Variants in KHDRBS2 observed in about 807,000 individuals in gnomAD.
KHDRBS2 encodes the protein KH RNA binding domain containing, signal transduction associated 2.
KHDRBS2 carries 26 observed loss-of-function variants against 44.3 expected under a neutral mutation model. That is an observed-to-expected ratio of 0.59 (90% CI 0.43 to 0.81). The LOEUF (loss-of-function observed/expected upper bound fraction) is 0.81, where lower values mean the gene tolerates loss of function less well. Ranked by LOEUF, KHDRBS2 falls within the 40% of genes least tolerant of loss-of-function variation. The pLI is 0.00. For synonymous variants in KHDRBS2, 194 were observed against 151.1 expected (o/e 1.28, Z -2.08); for missense variants, 476 against 433.1 (o/e 1.10, Z -0.88).
chr6:62,067,143 T>C (rs1322959930), intron 2 of KHDRBS2, among the ~76,000 whole-genome samples: 1 of 151,546 alleles, frequency 6.6e-6, no homozygotes, highest in Non-Finnish European at 1.5e-5. Context: ...CTTAGGTTAC[T>C]TTTTACCCAA....
chr6:62,058,893 T>A (rs1369164808), intron 2 of KHDRBS2, among the ~76,000 whole-genome samples: 3 of 151,826 alleles, frequency 2.0e-5, no homozygotes, highest in African/African-American at 7.2e-5. Context: ...ACCACAAATA[T>A]AATTTATTCA....
intron 3 of KHDRBS2, among the ~76,000 whole-genome samples, chr6:61,987,303 G>A (rs190875966): frequency 2.0e-5 from 3 of 152,250 alleles, no homozygotes; most frequent in South Asian, 2.1e-4. Context: ...AACCAAAAGA[G>A]TTAAACTTCT....
At chr6:61,978,458 C>T (rs1348804954) in intron 3 of KHDRBS2, among the ~76,000 whole-genome samples, 5 of 151,916 alleles carry the variant, frequency 3.3e-5, no homozygotes, top group Non-Finnish European at 2.9e-5. Flanking sequence ...AGATTTTAAT[C>T]AGCTAAATGA....
intron 6 of KHDRBS2, among the ~76,000 whole-genome samples, chr6:61,824,272 TG>T (rs1287948839): frequency 6.6e-6 from 1 of 151,996 alleles, no homozygotes; most frequent in Non-Finnish European, 1.5e-5. Context: ...ATCATGAAGG[TG>T]TTTTTCTAAT....
the KHDRBS2 span, among the ~76,000 whole-genome samples, chr6:61,590,222 A>G: frequency 6.6e-6 from 1 of 152,204 alleles, no homozygotes; most frequent in Non-Finnish European, 1.5e-5. Flanking sequence ...GATGGGGACT[A>G]TTAAAAGTAT....
intron 7 of KHDRBS2, among the ~76,000 whole-genome samples, chr6:61,700,424 A>G (rs1768463360): frequency 6.7e-6 from 1 of 149,754 alleles, no homozygotes; most frequent in Non-Finnish European, 1.5e-5. Context: ...AGAACAGAGC[A>G]TACTAGATAT....
At chr6:61,637,501 C>T in the KHDRBS2 span, among the ~76,000 whole-genome samples, 28 of 152,036 alleles carry the variant, frequency 1.8e-4, no homozygotes, top group South Asian at 6.2e-4. Context: ...CATATGTGTG[C>T]GTGTGTCTTT....
At chr6:62,134,336 T>C (rs1477204825) in intron 2 of KHDRBS2, among the ~76,000 whole-genome samples, 1 of 152,100 alleles carries the variant, frequency 6.6e-6, no homozygotes, top group East Asian at 1.9e-4. Flanking sequence ...GTGTTGAGCC[T>C]GTAGGTGCAC....
intron 1 of KHDRBS2, among the ~76,000 whole-genome samples, chr6:62,232,521 C>A (rs1356743886): frequency 4.6e-5 from 7 of 152,050 alleles, no homozygotes; most frequent in Middle Eastern, 3.4e-3. Context: ...TGGAAAAAAA[C>A]CACCAACAAC....
chr6:62,227,995 T>C (rs534090723), intron 1 of KHDRBS2, among the ~76,000 whole-genome samples: 15 of 152,306 alleles, frequency 9.8e-5, no homozygotes, highest in African/African-American at 3.6e-4. Context: ...GTTGTTGTTG[T>C]TTCTCTGCCA....
rs138475413 is a variant in KHDRBS2, at chr6:62,006,626, T to C, written c.337-28414A>G. ...TAATAAAGTATCTTCAATTCTTCTA[T>C]TGCTCATGGGTGAAATAAAAATACT... On this transcript the variant is annotated intron_variant, in intron 3 of 8. Transcript: ENST00000281156. Among the ~76,000 whole-genome samples, 723 of 152,132 alleles carry C rather than the reference T, an allele frequency of 4.8e-3. 6 individuals are homozygous for C. Among genetic ancestry groups the C allele is most frequent in the African/African-American group, 0.017 (686 of 41,548 alleles).
At chr6:62,271,356 A>C (rs1163007234) in intron 1 of KHDRBS2, among the ~76,000 whole-genome samples, 1 of 152,160 alleles carries the variant, frequency 6.6e-6, no homozygotes, top group African/African-American at 2.4e-5. Context: ...TAGCAAACCT[A>C]CTGTGCTGCC....
the KHDRBS2 span, among the ~76,000 whole-genome samples, chr6:61,637,156 T>C: frequency 6.6e-6 from 1 of 152,190 alleles, no homozygotes; most frequent in East Asian, 1.9e-4. Flanking sequence ...TAGCATTAAG[T>C]ATATCTCCCA....
chr6:61,901,433 A>AG, intron 4 of KHDRBS2, 62 bp from the exon 5 acceptor site: 1 of 1,331,478 alleles, frequency 7.5e-7, no homozygotes, highest in Non-Finnish European at 1.0e-6. Flanking sequence ...GAGTTGGAAA[A>AG]AAAAAAAAAG....
At chr6:61,766,896 A>G (rs1473311731) in intron 6 of KHDRBS2, among the ~76,000 whole-genome samples, 6 of 152,034 alleles carry the variant, frequency 3.9e-5, no homozygotes, top group Non-Finnish European at 7.4e-5. Flanking sequence ...CCTGTCTTTA[A>G]TCAATGTGCT....
intron 1 of KHDRBS2, among the ~76,000 whole-genome samples, chr6:62,191,920 CT>C (rs943273769): frequency 1.3e-5 from 2 of 151,922 alleles, no homozygotes; most frequent in Non-Finnish European, 1.5e-5. Context: ...TTTAAAAAAA[CT>C]TTTTTTAACA....
At chr6:61,596,253 A>T in the KHDRBS2 span, among the ~76,000 whole-genome samples, 3 of 152,216 alleles carry the variant, frequency 2.0e-5, no homozygotes, top group Non-Finnish European at 4.4e-5. Context: ...ATATAAAAAA[A>T]TTACAGAGGC....
chr6:61,605,022 A>C, the KHDRBS2 span, among the ~76,000 whole-genome samples: 1 of 152,184 alleles, frequency 6.6e-6, no homozygotes, highest in African/African-American at 2.4e-5. Flanking sequence ...AAAAGGTAGA[A>C]TGGACTAATG....
At chr6:61,646,205 T>C in the KHDRBS2 span, among the ~76,000 whole-genome samples, 1 of 152,196 alleles carries the variant, frequency 6.6e-6, no homozygotes. Context: ...TTCCACATAA[T>C]GGCAATCTTT....
Sources: allele counts gnomAD v4.1 joint callset (sites outside exome capture counted in the v4.1 genomes callset), GRCh38; gene constraint gnomAD v4.1.1; transcripts MANE v1.5; gene names NCBI Gene and HGNC (gene_info 2026-07-23, HGNC 2026-07-21).